Variants in JAK2 observed in about 807,000 individuals in gnomAD.
The protein encoded by JAK2 is Janus kinase 2, also known as tyrosine-protein kinase JAK2.
A neutral mutation model predicts 139.3 loss-of-function variants in JAK2; 86 were observed. That is an observed-to-expected ratio of 0.62 (90% CI 0.52 to 0.74). The LOEUF is 0.74. Among genes scored for constraint, JAK2 ranks in the 30% least tolerant of loss-of-function variants. The pLI is 0.00. For synonymous variants in JAK2, 490 were observed against 437.7 expected, an observed-to-expected ratio of 1.12 and a Z score of -1.49; for missense variants, 1,421 against 1,360.3, an observed-to-expected ratio of 1.04 and a Z score of -0.70.
At chr9:5,103,126 C>T (rs967365044) in intron 22 of JAK2, among the ~76,000 whole-genome samples, 2 of 146,916 alleles carry the variant, frequency 1.4e-5, no homozygotes, top group Non-Finnish European at 3.0e-5. Context: ...GAAGACCCAT[C>T]ACTGTGCTGT....
At chr9:5,047,826 C>G (rs983155627) in intron 5 of JAK2, among the ~76,000 whole-genome samples, 38 of 151,952 alleles carry the variant, frequency 2.5e-4, no homozygotes, top group Admixed American at 2.4e-3. Context: ...GTTTCAAACA[C>G]CTGGCTTCAA....
intron 2 of JAK2, among the ~76,000 whole-genome samples, chr9:5,013,312 A>G (rs757755251): frequency 1.3e-5 from 2 of 152,254 alleles, no homozygotes; most frequent in Non-Finnish European, 2.9e-5. Flanking sequence ...TAGTATAGGA[A>G]TAATTGTAGG....
intron 20 of JAK2, among the ~76,000 whole-genome samples, chr9:5,090,193 C>T (rs1261630270): frequency 1.3e-5 from 2 of 152,154 alleles, no homozygotes; most frequent in Admixed American, 1.3e-4. Context: ...GAAGTTTTCT[C>T]ATCAGTTTAT....
chr9:5,060,234 C>T lies in JAK2; in HGVS notation c.1056+4446C>T, dbSNP rs148975578. 7.0e-3 allele frequency among the ~76,000 whole-genome samples: 1,072 copies of T among 152,272 alleles called. 9 individuals carry two copies. The highest frequency in any genetic ancestry group is 0.025 in the African/African-American group (1,027 of 41,568). Reference sequence around the variant, plus strand: ...GAGGGTATTATTTTGATGTTGATGGCTGCTGACCGATCAGTGTGGTGGCTG... The same window carrying T: ...GAGGGTATTATTTTGATGTTGATGGTTGCTGACCGATCAGTGTGGTGGCTG... On this transcript the variant is annotated intron_variant, in intron 8 of 24. Transcript: ENST00000381652.
chr9:5,059,645 A>G (rs759373723), intron 8 of JAK2, among the ~76,000 whole-genome samples: 4 of 152,120 alleles, frequency 2.6e-5, no homozygotes, highest in Non-Finnish European at 4.4e-5. Flanking sequence ...TTGTAGTTCT[A>G]TCAGTTCACT....
At chr9:5,041,112 C>G (rs575614813) in intron 4 of JAK2, 1 of 820,142 alleles carries the variant, frequency 1.2e-6, no homozygotes, top group East Asian at 2.6e-5. Flanking sequence ...TCGACCTTCA[C>G]GCCCAAGACG....
At chr9:5,104,267 C>G (rs1036358109) in intron 22 of JAK2, among the ~76,000 whole-genome samples, 11 of 152,168 alleles carry the variant, frequency 7.2e-5, no homozygotes, top group African/African-American at 2.7e-4. Flanking sequence ...AAACTACCAT[C>G]AGAGAATACT....
chr9:5,030,284 T>A (rs1442771537), intron 4 of JAK2, among the ~76,000 whole-genome samples: 2 of 152,172 alleles, frequency 1.3e-5, no homozygotes, highest in African/African-American at 4.8e-5. Context: ...AAGAACTTTT[T>A]AAAAAGTTGA....
At chr9:5,051,541 TTC>T (rs1272504386) in intron 6 of JAK2, among the ~76,000 whole-genome samples, 1 of 152,190 alleles carries the variant, frequency 6.6e-6, no homozygotes, top group Non-Finnish European at 1.5e-5. Flanking sequence ...CTCTAGGGTA[TTC>T]TTATACAAAT....
intron 3 of JAK2, among the ~76,000 whole-genome samples, chr9:5,026,583 A>G (rs1735174232): frequency 6.6e-6 from 1 of 152,216 alleles, no homozygotes; most frequent in Non-Finnish European, 1.5e-5. Context: ...AATATATAGG[A>G]TTAAAAAAAT....
chr9:4,988,467 A>G (rs1820085282), intron 2 of JAK2, among the ~76,000 whole-genome samples: 1 of 152,242 alleles, frequency 6.6e-6, no homozygotes, highest in Non-Finnish European at 1.5e-5. Context: ...GGACATAACT[A>G]CTAAGTAAGT....
Position 5,066,770 on chromosome 9 carries a change from T to A in JAK2, c.1307T>A (p.Phe436Tyr), listed in dbSNP as rs1818603382. ...AGTCCTAAGGACTTTAATAAATATT[T>A]TTTGACTTTTGCTGTCGAGGTTAGT... ...RCSPKDFNKY[F>Y]LTFAVERENV... Residue 436 changes from phenylalanine (F) to tyrosine (Y), a missense_variant, in exon 10 of 25, where the codon TTT becomes TAT. Phe to Tyr is a conservative substitution (Grantham distance 22). Transcript: ENST00000381652. The A allele has an allele frequency of 6.4e-7, 1 of 1,556,146 alleles. No homozygotes were observed. The highest frequency in any genetic ancestry group is 1.2e-5 in the South Asian group (1 of 82,764).
intron 4 of JAK2, among the ~76,000 whole-genome samples, chr9:5,042,594 G>A (rs1031907838): frequency 2.4e-5 from 3 of 122,724 alleles, no homozygotes; most frequent in African/African-American, 1.1e-4. Context: ...AGGCCCCCAG[G>A]GCTGAGGCCC....
At chr9:5,050,596 T>C in intron 5 of JAK2, 90 bp from the exon 6 acceptor site, 1 of 1,338,522 alleles carries the variant, frequency 7.5e-7, no homozygotes, top group East Asian at 2.4e-5. Context: ...AATGCATATG[T>C]TCTGAAAATT....
chr9:5,105,958 C>A (rs753380750), intron 22 of JAK2, among the ~76,000 whole-genome samples: 30 of 152,136 alleles, frequency 2.0e-4, no homozygotes, highest in Middle Eastern at 3.2e-3. Context: ...ACCATAAAAG[C>A]CCTAGAAGAA....
At chr9:5,119,691 G>A (rs924403679) in intron 22 of JAK2, among the ~76,000 whole-genome samples, 1 of 152,074 alleles carries the variant, frequency 6.6e-6, no homozygotes, top group Non-Finnish European at 1.5e-5. Context: ...TGTGTTAGGG[G>A]GAGGTATGAA....
intron 4 of JAK2, among the ~76,000 whole-genome samples, chr9:5,039,290 A>G (rs1816312365): frequency 6.6e-6 from 1 of 152,134 alleles, no homozygotes; most frequent in Admixed American, 6.5e-5. Context: ...TACTTGGAAA[A>G]AAAGTTGTGC....
chr9:5,080,970 A>C (rs1232828939), intron 18 of JAK2, among the ~76,000 whole-genome samples: 5 of 135,696 alleles, frequency 3.7e-5, no homozygotes, highest in African/African-American at 1.1e-4. Flanking sequence ...ATCTCGGCTC[A>C]CTGCAAGCTC....
chr9:5,023,592 T>A (rs537698055), intron 3 of JAK2, among the ~76,000 whole-genome samples: 1 of 152,208 alleles, frequency 6.6e-6, no homozygotes, highest in African/African-American at 2.4e-5. Flanking sequence ...ATGTGGACCA[T>A]TGGGCATCTC....
Sources: gnomAD v4.1 joint callset for allele counts (sites outside exome capture counted in the v4.1 genomes callset) on GRCh38, gnomAD v4.1.1 for gene constraint, MANE v1.5 for transcripts, NCBI Gene and HGNC (gene_info 2026-07-23, HGNC 2026-07-21) for gene names.